The following GPR174 variants were observed in gnomAD, a reference collection of about 807,000 sequenced individuals.
The protein encoded by GPR174 is G protein-coupled receptor 174.
Under a neutral mutation model 16.5 loss-of-function variants are expected in GPR174, and 8 were observed. The ratio of observed to expected loss-of-function variants is 0.48; its 90% CI spans 0.28 to 0.87. GPR174 has a LOEUF of 0.87. Among genes scored for constraint, GPR174 ranks in the 40% least tolerant of loss-of-function variants. GPR174 has a pLI of 0.09. For missense variants in GPR174, 214 were observed against 247.5 expected (o/e 0.86, Z 0.91); for synonymous variants, 111 against 94.8 (o/e 1.17, Z -0.99).
At chrX:79,168,531 C>A (rs1921431405) in intron 2 of GPR174, among the ~76,000 whole-genome samples, 1 of 75,599 alleles carries the variant, frequency 1.3e-5, no homozygotes, top group Admixed American at 1.3e-4. Flanking sequence ...AGACCCCAAT[C>A]TCTACAAATT....
In GPR174 at chrX:79,172,986, G is replaced by A. The variant is rs887068629; in HGVS notation, c.*977G>A. The A allele has an allele frequency of 8.9e-6, 1 of 111,765 alleles. No individual in the cohort carries two copies. Among genetic ancestry groups the A allele is most frequent in the Non-Finnish European group, 1.9e-5 (1 of 53,080 alleles). The allele number at this position is 111,765 out of a possible 1,213,427, so 9.2% of individuals were successfully genotyped here. ...TGCACTAATGAATCATTAAACCTGGGCCAGAGTGAAAAGATGAAGCAAAGT... is the reference window on the plus strand; with the variant it reads ...TGCACTAATGAATCATTAAACCTGGACCAGAGTGAAAAGATGAAGCAAAGT... On this transcript the variant is annotated 3_prime_UTR_variant, in exon 3 of 3. Transcript: ENST00000645147.
At chrX:79,163,423 T>A (rs1350451403) in intron 2 of GPR174, among the ~76,000 whole-genome samples, 1 of 112,048 alleles carries the variant, frequency 8.9e-6, no homozygotes, top group East Asian at 2.8e-4. Flanking sequence ...GACAGCACTA[T>A]GTCCTTTGAG....
chrX:79,157,449 T>C (rs1921124947), intron 2 of GPR174, among the ~76,000 whole-genome samples: 1 of 111,748 alleles, frequency 8.9e-6, no homozygotes, highest in Non-Finnish European at 1.9e-5. Flanking sequence ...GAAACTAGGG[T>C]ACACAGCCTT....
chrX:79,147,438 C>G (rs1347954825), intron 1 of GPR174, among the ~76,000 whole-genome samples: 1 of 107,180 alleles, frequency 9.3e-6, no homozygotes, highest in Non-Finnish European at 1.9e-5. Context: ...TGTAACAGAC[C>G]TTGAGTTGTT....
intron 1 of GPR174, among the ~76,000 whole-genome samples, chrX:79,148,498 G>A (rs1337580448): frequency 9.0e-6 from 1 of 111,457 alleles, no homozygotes; most frequent in South Asian, 3.7e-4. Context: ...CTAATCACAT[G>A]TTACCAGATA....
chrX:79,154,001 C>T (rs747183986), intron 1 of GPR174, among the ~76,000 whole-genome samples: 2 of 111,779 alleles, frequency 1.8e-5, no homozygotes, highest in South Asian at 3.8e-4. Flanking sequence ...ATTTAAAATG[C>T]TGAATCAGTT....
chrX:79,144,994 CTCTCTCTCTCTCTTTCTT>C lies in GPR174; in HGVS notation c.-873_-856del, dbSNP rs1410002285. On this transcript the variant is annotated 5_prime_UTR_variant, in exon 1 of 3. Coordinates refer to ENST00000645147, the MANE Select transcript of GPR174 (RefSeq NM_032553.3). The stretch of plus-strand genomic sequence containing the variant: ...TTTCTTTCTTTTTCTTTCTTTCTTT[CTCTCTCTCTCTCTTTCTT>C]TCTTTCTTTCTTTCTTTCTTTCTTT... 8 of 36,716 alleles carry C rather than the reference CTCTCTCTCTCTCTTTCTT, an allele frequency of 2.2e-4. No homozygotes were observed. The highest frequency in any genetic ancestry group is 3.2e-4 in the Non-Finnish European group (6 of 18,840). The allele number at this position is 36,716 out of a possible 1,213,427, so 3.0% of individuals were successfully genotyped here.
intron 1 of GPR174, among the ~76,000 whole-genome samples, chrX:79,156,616 A>AT (rs1921105410): frequency 9.0e-6 from 1 of 111,725 alleles, no homozygotes; most frequent in Admixed American, 9.5e-5. Context: ...GAAAGCTGCC[A>AT]TGTCAAAAAG....
intron 1 of GPR174, among the ~76,000 whole-genome samples, chrX:79,147,334 T>C (rs764881573): frequency 9.1e-6 from 1 of 109,971 alleles, no homozygotes; most frequent in South Asian, 3.9e-4. Flanking sequence ...ACATGCATTA[T>C]TCATTGGGAA....
chrX:79,149,162 T>G (rs933816566), intron 1 of GPR174, among the ~76,000 whole-genome samples: 1 of 112,101 alleles, frequency 8.9e-6, no homozygotes, highest in African/African-American at 3.2e-5. Flanking sequence ...TCATGGCCCC[T>G]ATTAATTTTC....
rs75956723 is a variant in GPR174, at chrX:79,171,490, C to G, written c.483C>G (p.Thr161=). Residue 161 remains threonine, a synonymous_variant, in exon 3 of 3, where the codon ACC becomes ACG. Transcript: ENST00000645147. ...CACTCCTCAGAACCAGTGATGATAC[C>G]TCTGGCAATAGGACCAAATGCTTTG... The part of the protein sequence containing the change: ...LFPLLRTSDD[T]SGNRTKCFVD... 1 of 1,209,239 alleles carries G rather than the reference C, an allele frequency of 8.3e-7. No individual in the cohort carries two copies. The highest frequency in any genetic ancestry group is 1.8e-5 in the African/African-American group (1 of 56,963).
Position 79,173,709 on chromosome X carries a change from C to A in GPR174, c.*1700C>A, listed in dbSNP as rs908440098. On this transcript the variant is annotated 3_prime_UTR_variant, in exon 3 of 3. Transcript: ENST00000645147. ...CACATATGTTGTTATTAAGATAATACCCTATTAGAAAACTGACTTTGTGCT... is the reference window on the plus strand; with the variant it reads ...CACATATGTTGTTATTAAGATAATAACCTATTAGAAAACTGACTTTGTGCT... 8.9e-6 allele frequency: 1 copy of A among 112,059 alleles called. No homozygotes were observed. The highest frequency in any genetic ancestry group is 3.2e-5 in the African/African-American group (1 of 30,821). The allele number at this position is 112,059 out of a possible 1,213,427, so 9.2% of individuals were successfully genotyped here.
At chrX:79,151,531 T>A (rs914541162) in intron 1 of GPR174, among the ~76,000 whole-genome samples, 1 of 111,434 alleles carries the variant, frequency 9.0e-6, no homozygotes, top group Non-Finnish European at 1.9e-5. Flanking sequence ...TCTTTCTTTA[T>A]GTTATGCTGT....
Position 79,172,195 on chromosome X carries a change from T to C in GPR174, c.*186T>C, listed in dbSNP as rs904206735. ...GAGCATTACGATCCACGATTATTGA[T>C]GTTGACATGTCCATGTAGTAATTTT... On this transcript the variant is annotated 3_prime_UTR_variant, in exon 3 of 3. Coordinates refer to ENST00000645147, the MANE Select transcript of GPR174 (RefSeq NM_032553.3). 7 of 424,187 alleles carry C rather than the reference T, an allele frequency of 1.7e-5. No homozygotes were observed. In the Admixed American group the frequency reaches 3.5e-4, roughly 21 times the overall value. The allele number at this position is 424,187 out of a possible 1,213,427, so 35.0% of individuals were successfully genotyped here.
chrX:79,158,768 A>C (rs1921162708), intron 2 of GPR174, among the ~76,000 whole-genome samples: 1 of 101,400 alleles, frequency 9.9e-6, no homozygotes, highest in Non-Finnish European at 2.0e-5. Flanking sequence ...TATTGTCAAA[A>C]GTTAATGAGT....
At position 79,172,267 on chromosome X, in the gene GPR174, A is replaced by G. The variant is rs762054275; in HGVS notation, c.*258A>G. On this transcript the variant is annotated 3_prime_UTR_variant, in exon 3 of 3. Coordinates refer to ENST00000645147, the MANE Select transcript of GPR174 (RefSeq NM_032553.3). ...AAATATCAAATTTCTGTGACATCCT[A>G]TAAACATATGCACTCAACTGTAGTC... 1.8e-4 allele frequency: 61 copies of G among 341,248 alleles called. No homozygotes were observed. In the Middle Eastern group the frequency reaches 2.5e-3, roughly 14 times the overall value. The allele number at this position is 341,248 out of a possible 1,213,427, so 28.1% of individuals were successfully genotyped here.
At position 79,150,894 on chromosome X, in the gene GPR174, C is replaced by T. The variant is rs537358979; in HGVS notation, c.-654+5677C>T. On this transcript the variant is annotated intron_variant, in intron 1 of 2. Coordinates refer to ENST00000645147, the MANE Select transcript of GPR174 (RefSeq NM_032553.3). ...TTCTAATATGATTTCGGATTTTGGACGTACATTTAGGAGTTTCCAGAGCTT... is the reference window on the plus strand; with the variant it reads ...TTCTAATATGATTTCGGATTTTGGATGTACATTTAGGAGTTTCCAGAGCTT... 4.2e-4 allele frequency among the ~76,000 whole-genome samples: 47 copies of T among 111,100 alleles called. No individual in the cohort carries two copies. In the South Asian group the frequency reaches 6.0e-3, roughly 14 times the overall value.
chrX:79,160,519 T>C (rs1413733084), intron 2 of GPR174, among the ~76,000 whole-genome samples: 2 of 111,783 alleles, frequency 1.8e-5, no homozygotes, highest in Non-Finnish European at 3.8e-5. Flanking sequence ...TAGAAAGTAC[T>C]AAGTGTGTGT....
At chrX:79,162,860 T>A (rs1283073314) in intron 2 of GPR174, among the ~76,000 whole-genome samples, 1 of 111,745 alleles carries the variant, frequency 8.9e-6, no homozygotes, top group African/African-American at 3.3e-5. Flanking sequence ...CCAATTCCAA[T>A]GTAAATGATT....
Sources: gnomAD v4.1 joint callset for allele counts (sites outside exome capture counted in the v4.1 genomes callset) on GRCh38, gnomAD v4.1.1 for gene constraint, MANE v1.5 for transcripts, NCBI Gene and HGNC (gene_info 2026-07-23, HGNC 2026-07-21) for gene names.